The following STAT5B variants were observed in gnomAD, a reference collection of about 807,000 sequenced individuals.
The protein encoded by STAT5B is signal transducer and activator of transcription 5B, also known as transcription factor STAT5B.
Under a neutral mutation model 107.8 loss-of-function variants are expected in STAT5B, and 21 were observed. The ratio of observed to expected loss-of-function variants is 0.19; its 90% CI spans 0.14 to 0.28. STAT5B has a LOEUF of 0.28. STAT5B is among the 10% of genes least tolerant of loss of function. STAT5B has a pLI of 1.00. For missense variants in STAT5B, 565 were observed against 1,008.2 expected (o/e 0.56, Z 5.95); for synonymous variants, 325 against 401.7 (o/e 0.81, Z 2.28).
At chr17:42,233,085 A>T (rs1436415677) in intron 1 of STAT5B, among the ~76,000 whole-genome samples, 2 of 151,396 alleles carry the variant, frequency 1.3e-5, no homozygotes, top group Non-Finnish European at 2.9e-5. Flanking sequence ...CAAGTGATCC[A>T]TCTCAGCTCC....
chr17:42,218,775 G>C lies in STAT5B; in HGVS notation c.937C>G (p.Leu313Val). 1 of 1,612,860 alleles carries C rather than the reference G, an allele frequency of 6.2e-7. No individual in the cohort carries two copies. The highest frequency in any genetic ancestry group is 8.5e-7 in the Non-Finnish European group (1 of 1,179,392). ...GTGATGGTGGCGTTGACCTCGGCCA[G>C]CATCTCCTCCACTGGGCCGGGGATG... ...LPIPGPVEEM[L>V]AEVNATITDI... The change falls in exon 8 of 19, where the codon CTG becomes GTG. Residue 313 changes from leucine (L) to valine (V), a missense_variant. This residue lies in a region of STAT5B where 48 missense variants were observed against 106.5 expected (regional missense o/e 0.45). Coordinates refer to ENST00000293328, the MANE Select transcript of STAT5B (RefSeq NM_012448.4).
At chr17:42,250,392 AC>A (rs1344943312) in intron 1 of STAT5B, among the ~76,000 whole-genome samples, 2 of 152,148 alleles carry the variant, frequency 1.3e-5, no homozygotes, top group East Asian at 3.8e-4. Context: ...CCACCCACAC[AC>A]CCACACTAGA....
In STAT5B at chr17:42,231,868, A is replaced by G. The variant is rs112806428; in HGVS notation, c.128+132T>C. On this transcript the variant is annotated intron_variant, in intron 2 of 18. Transcript: ENST00000293328. ...TATAAAAAGAAAAAAAATTTTAAAT[A>G]CCTTTTTATGGATCACATTTAAAAA... is the stretch of plus-strand genomic sequence containing the variant. 2.3e-3 allele frequency: 3,195 copies of G among 1,372,774 alleles called. 61 individuals carry two copies. In the African/African-American group the frequency reaches 0.042, roughly 18 times the overall value. 85.0% of individuals were successfully genotyped at this position (1,372,774 alleles called of 1,614,324 possible). A position where few individuals can be genotyped will look rare whatever the true frequency, so the allele number is the denominator to read the frequency against.
chr17:42,256,858 T>C (rs1308355042), intron 1 of STAT5B, among the ~76,000 whole-genome samples: 2 of 79,570 alleles, frequency 2.5e-5, no homozygotes, highest in Non-Finnish European at 4.0e-5. Context: ...CGAGACTCTG[T>C]CTCAAAAAAA....
chr17:42,269,886 A>C (rs1216598861), intron 1 of STAT5B: 1 of 151,952 alleles, frequency 6.6e-6, no homozygotes, highest in Non-Finnish European at 1.5e-5. Flanking sequence ...GCAGAGCTCT[A>C]GACATACAAT....
At chr17:42,226,155 G>A (rs140415744) in intron 3 of STAT5B, among the ~76,000 whole-genome samples, 4,827 of 151,988 alleles carry the variant, frequency 0.032, 235 homozygotes, top group African/African-American at 0.11. Flanking sequence ...GGCTGGTCTC[G>A]AACTCCTGAC....
intron 12 of STAT5B, among the ~76,000 whole-genome samples, chr17:42,213,016 C>T (rs1056373607): frequency 2.6e-5 from 4 of 152,178 alleles, no homozygotes; most frequent in African/African-American, 9.7e-5. Context: ...ACATGTTCTG[C>T]ATCTTCCTCT....
Position 42,217,240 on chromosome 17 carries a change from A to T in STAT5B, c.1300T>A (p.Ser434Thr). 1 of 1,614,080 alleles carries T rather than the reference A, an allele frequency of 6.2e-7. No homozygotes were observed. The highest frequency in any genetic ancestry group is 8.5e-7 in the Non-Finnish European group (1 of 1,180,012). The stretch of plus-strand genomic sequence containing the variant: ...ATTGTAAATTTTTCTTCTGTCACCG[A>T]CTCTGCCCCACGACGGTCTGACCTC... Reference protein sequence around the residue: ...IKRSDRRGAESVTEEKFTILF... With the variant: ...IKRSDRRGAETVTEEKFTILF... Residue 434 changes from serine to threonine, a missense_variant, in exon 11 of 19, where the codon TCG becomes ACG. Physicochemically the swap from Ser to Thr is moderately conservative, Grantham distance 58 (BLOSUM62 1). Coordinates refer to ENST00000293328, the MANE Select transcript of STAT5B (RefSeq NM_012448.4).
At chr17:42,210,605 C>A in intron 13 of STAT5B, 108 bp from the exon 14 acceptor site, 1 of 1,025,258 alleles carries the variant, frequency 9.8e-7, no homozygotes, top group Non-Finnish European at 1.5e-6. Context: ...CTACCCTTGT[C>A]AGAGGCATAC....
At chr17:42,254,005 G>A (rs2144367865) in intron 1 of STAT5B, among the ~76,000 whole-genome samples, 1 of 152,162 alleles carries the variant, frequency 6.6e-6, no homozygotes, top group East Asian at 1.9e-4. Context: ...TCATGTTATA[G>A]GTTGAAACTA....
At chr17:42,228,180 T>C (rs2144284285) in intron 2 of STAT5B, among the ~76,000 whole-genome samples, 1 of 152,330 alleles carries the variant, frequency 6.6e-6, no homozygotes, top group South Asian at 2.1e-4. Flanking sequence ...TATTGCTATT[T>C]CTAAGAAGCC....
intron 9 of STAT5B, chr17:42,217,774 AGCTCACTGCAATCTCT>A: frequency 2.2e-6 from 1 of 448,818 alleles, no homozygotes; most frequent in East Asian, 4.8e-5. Context: ...CTGCAATCTC[AGCTCACTGCAATCTCT>A]GCCTCCCAGG....
At chr17:42,280,095 TAAGAC>T (rs923794178), upstream of STAT5B, among the ~76,000 whole-genome samples, 3 of 152,090 alleles carry the variant, frequency 2.0e-5, no homozygotes, top group African/African-American at 7.2e-5. Context: ...ACACCAGACT[TAAGAC>T]ATGACAGAAA....
chr17:42,249,036 A>G (rs903965847), intron 1 of STAT5B, among the ~76,000 whole-genome samples: 6 of 152,222 alleles, frequency 3.9e-5, no homozygotes, highest in African/African-American at 1.4e-4. Flanking sequence ...TTAAACATGA[A>G]GAAAAGGTCA....
At chr17:42,265,154 A>G (rs1021023609) in intron 1 of STAT5B, among the ~76,000 whole-genome samples, 13 of 148,326 alleles carry the variant, frequency 8.8e-5, no homozygotes, top group African/African-American at 3.2e-4. Context: ...CCCATTTTGT[A>G]GGTTGCCTGT....
At chr17:42,210,536 G>T in intron 13 of STAT5B, 39 bp from the exon 14 acceptor site, 1 of 1,522,460 alleles carries the variant, frequency 6.6e-7, no homozygotes, top group Non-Finnish European at 9.1e-7. Context: ...GAACACCAGA[G>T]TAACACTTGG....
At chr17:42,242,874 AT>A (rs1189417146) in intron 1 of STAT5B, among the ~76,000 whole-genome samples, 2 of 152,052 alleles carry the variant, frequency 1.3e-5, no homozygotes, top group African/African-American at 4.8e-5. Context: ...TCAGGGTTGA[AT>A]GGATTAAGGG....
chr17:42,217,847 G>C, intron 9 of STAT5B: 2 of 447,630 alleles, frequency 4.5e-6, no homozygotes, highest in Non-Finnish European at 8.2e-6. Context: ...TGGGATTACA[G>C]GTGCCTGCCA....
At chr17:42,276,612 C>G (rs1489290774), upstream of STAT5B, 1 of 151,816 alleles carries the variant, frequency 6.6e-6, no homozygotes, top group Non-Finnish European at 1.5e-5. The surrounding 1 kb of genome is among the most constrained non-coding windows in gnomAD (Gnocchi z 4.8). Flanking sequence ...GGTGCCGGTG[C>G]CGGCGCCGCG....
Sources: gnomAD v4.1 joint callset for allele counts (sites outside exome capture counted in the v4.1 genomes callset) on GRCh38, gnomAD v4.1.1 for gene constraint, gnomAD v4.1.1 regional missense constraint, Gnocchi (gnomAD v3.1) non-coding constraint, MANE v1.5 for transcripts, NCBI Gene and HGNC (gene_info 2026-07-23, HGNC 2026-07-21) for gene names.